PLCB1: variants seen among roughly 807,000 people sequenced by gnomAD.
The protein encoded by PLCB1 is 1-phosphatidylinositol 4,5-bisphosphate phosphodiesterase beta-1.
A neutral mutation model predicts 161.8 loss-of-function variants in PLCB1; 46 were observed. The ratio of observed to expected loss-of-function variants is 0.28; its 90% CI spans 0.22 to 0.36. PLCB1 has a LOEUF of 0.36. PLCB1 is among the 10% of genes least tolerant of loss of function. The pLI is 1.00. For missense variants in PLCB1, 1,016 were observed against 1,472.5 expected (o/e 0.69, Z 5.07); for synonymous variants, 517 against 503.7 (o/e 1.03, Z -0.35).
At chr20:8,876,714 G>T (rs1399577584) in intron 31 of PLCB1, among the ~76,000 whole-genome samples, 1 of 152,162 alleles carries the variant, frequency 6.6e-6, no homozygotes, top group African/African-American at 2.4e-5. Context: ...TCAGCTAGGG[G>T]TGAGCTGGTT....
At chr20:8,347,530 G>T (rs918716662) in intron 2 of PLCB1, among the ~76,000 whole-genome samples, 1 of 152,084 alleles carries the variant, frequency 6.6e-6, no homozygotes, top group Non-Finnish European at 1.5e-5. Flanking sequence ...TATTTCCTTG[G>T]ATCCATTTTA....
At chr20:8,547,742 G>A (rs1219045789) in intron 3 of PLCB1, among the ~76,000 whole-genome samples, 1 of 152,130 alleles carries the variant, frequency 6.6e-6, no homozygotes, top group Non-Finnish European at 1.5e-5. Flanking sequence ...TACATTGAGA[G>A]CAATGTTTCC....
At chr20:8,733,192 C>G (rs1394700934) in intron 18 of PLCB1, 46 bp from the exon 19 acceptor site, 1 of 1,594,380 alleles carries the variant, frequency 6.3e-7, no homozygotes, top group African/African-American at 1.3e-5. Flanking sequence ...TTTCTTACCC[C>G]AAGTATAGAT....
intron 3 of PLCB1, among the ~76,000 whole-genome samples, chr20:8,470,169 T>A (rs1006448026): frequency 6.6e-6 from 1 of 152,182 alleles, no homozygotes; most frequent in Admixed American, 6.5e-5. Flanking sequence ...TATCTACCCA[T>A]TCATCAGTTG....
intron 3 of PLCB1, among the ~76,000 whole-genome samples, chr20:8,421,664 C>T (rs1035218519): frequency 6.6e-6 from 1 of 151,396 alleles, no homozygotes; most frequent in Admixed American, 6.6e-5. Context: ...CCAAAGATCC[C>T]TTTAATCCCT....
chr20:8,257,389 T>C (rs188711780), intron 2 of PLCB1, among the ~76,000 whole-genome samples: 22 of 152,240 alleles, frequency 1.4e-4, no homozygotes, highest in Middle Eastern at 3.4e-3. Flanking sequence ...ATGGTAATAA[T>C]TTTATAAGAA....
chr20:8,642,694 C>T (rs900194778), intron 4 of PLCB1, among the ~76,000 whole-genome samples: 2 of 152,096 alleles, frequency 1.3e-5, no homozygotes. Context: ...AATATTAATT[C>T]AATAGAGGAC....
At chr20:8,185,692 C>T (rs762983123) in intron 2 of PLCB1, among the ~76,000 whole-genome samples, 53 of 151,916 alleles carry the variant, frequency 3.5e-4, no homozygotes, top group Non-Finnish European at 5.9e-4. Flanking sequence ...GTAACTCTGT[C>T]TCTTTAATTT....
chr20:8,382,283 C>CTTT (rs71331303), intron 3 of PLCB1, among the ~76,000 whole-genome samples: 10 of 130,570 alleles, frequency 7.7e-5, no homozygotes, highest in Non-Finnish European at 1.3e-4. Context: ...GTTTCTTTTT[C>CTTT]TTTTTTTTTT....
rs758638401 is a variant in PLCB1 at position 8,371,366 on chromosome 20, C to A, written c.178-16C>A. 1.3e-6 allele frequency: 2 copies of A among 1,598,630 alleles called. No homozygotes were observed. The highest frequency in any genetic ancestry group is 1.7e-6 in the Non-Finnish European group (2 of 1,169,820). On this transcript the variant is annotated splice_polypyrimidine_tract_variant and intron_variant, in intron 2 of 31. Transcript: ENST00000338037. ...TCTGTGTCGTTGCTTAACGATTTCA[C>A]GTTTTTGCCTTCCAGGAGACAGAGC...
chr20:8,265,481 T>C (rs2123251400), intron 2 of PLCB1, among the ~76,000 whole-genome samples: 1 of 152,294 alleles, frequency 6.6e-6, no homozygotes, highest in African/African-American at 2.4e-5. Flanking sequence ...GAAGGGAACT[T>C]GGATAAAATA....
At chr20:8,631,552 A>G (rs935734088) in intron 4 of PLCB1, among the ~76,000 whole-genome samples, 5 of 152,196 alleles carry the variant, frequency 3.3e-5, no homozygotes, top group African/African-American at 1.2e-4. Context: ...ATTATCTTGC[A>G]GAGCAGAATC....
At position 8,341,215 on chromosome 20, in the gene PLCB1, C is replaced by A. The variant is rs2662977; in HGVS notation, c.178-30167C>A. Among the ~76,000 whole-genome samples, 1,292 of 152,272 alleles carry A rather than the reference C, an allele frequency of 8.5e-3. 23 individuals are homozygous for A. The highest frequency in any genetic ancestry group is 0.029 in the African/African-American group (1,220 of 41,552). Reference sequence around the variant, plus strand: ...ATGAAATCAACAGGTACTACTCATTCCATGACTTTGCTGCTCTCCTGTACA... The same window carrying A: ...ATGAAATCAACAGGTACTACTCATTACATGACTTTGCTGCTCTCCTGTACA... On this transcript the variant is annotated intron_variant, in intron 2 of 31. Transcript: ENST00000338037.
intron 3 of PLCB1, among the ~76,000 whole-genome samples, chr20:8,467,125 G>A (rs1186858950): frequency 2.6e-5 from 4 of 152,040 alleles, no homozygotes; most frequent in African/African-American, 9.7e-5. Context: ...ATTTTTAGTA[G>A]AGATGGGGTT....
At chr20:8,250,164 CA>C (rs1981065745) in intron 2 of PLCB1, among the ~76,000 whole-genome samples, 1 of 151,910 alleles carries the variant, frequency 6.6e-6, no homozygotes, top group Admixed American at 6.6e-5. Context: ...TTAAACCTAT[CA>C]TTTCTATATC....
intron 2 of PLCB1, among the ~76,000 whole-genome samples, chr20:8,185,389 A>G (rs1201558987): frequency 6.6e-6 from 1 of 152,214 alleles, no homozygotes; most frequent in Non-Finnish European, 1.5e-5. Flanking sequence ...ATTATGGAAC[A>G]TTCATACAGT....
intron 3 of PLCB1, among the ~76,000 whole-genome samples, chr20:8,426,647 T>G (rs531077670): frequency 6.6e-6 from 1 of 152,332 alleles, no homozygotes; most frequent in South Asian, 2.1e-4. Context: ...AGTAAAACTG[T>G]ATGGTATTGG....
intron 3 of PLCB1, among the ~76,000 whole-genome samples, chr20:8,620,416 G>A (rs1988147635): frequency 1.3e-5 from 2 of 152,020 alleles, no homozygotes; most frequent in African/African-American, 2.4e-5. Flanking sequence ...TTCTTCAAAC[G>A]ACAGAGCCGG....
intron 25 of PLCB1, among the ~76,000 whole-genome samples, chr20:8,762,204 C>G (rs1430182936): frequency 6.6e-6 from 1 of 152,058 alleles, no homozygotes; most frequent in South Asian, 2.1e-4. Flanking sequence ...GCGCGAAACT[C>G]TGTCTCAAAA....
Sources: allele counts gnomAD v4.1 joint callset (sites outside exome capture counted in the v4.1 genomes callset), GRCh38; gene constraint gnomAD v4.1.1; transcripts MANE v1.5; gene names NCBI Gene and HGNC (gene_info 2026-07-23, HGNC 2026-07-21).